Variants in ERBB4 observed in about 807,000 individuals in gnomAD.
The protein encoded by ERBB4 is erb-b2 receptor tyrosine kinase 4.
Under a neutral mutation model 158.0 loss-of-function variants are expected in ERBB4, and 42 were observed. The ratio of observed to expected loss-of-function variants is 0.27; its 90% confidence interval spans 0.21 to 0.34. The LOEUF (loss-of-function observed/expected upper bound fraction) is 0.34. Among genes scored for constraint, ERBB4 ranks in the 10% least tolerant of loss-of-function variants. The probability of loss-of-function intolerance (pLI) is 1.00; values close to 1 mark genes in which losing one functional copy is unlikely to be tolerated. For synonymous variants in ERBB4, 583 were observed against 558.7 expected (o/e 1.04, Z -0.61); for missense variants, 1,333 against 1,624.1 (o/e 0.82, Z 3.08).
chr2:211,657,020 G>C (rs2105898033), intron 16 of ERBB4, among the ~76,000 whole-genome samples: 1 of 151,996 alleles, frequency 6.6e-6, no homozygotes, highest in South Asian at 2.1e-4. Flanking sequence ...TTGCCTTTAT[G>C]TTAATTCTTA....
chr2:212,125,045 T>C (rs931394730), intron 1 of ERBB4, 142 bp from the exon 2 acceptor site: 21 of 934,528 alleles, frequency 2.2e-5, no homozygotes, highest in Admixed American at 6.1e-5. Context: ...TTAAGAGGCA[T>C]AGACCCACGC....
chr2:211,976,473 A>G (rs947971168), intron 2 of ERBB4, among the ~76,000 whole-genome samples: 7 of 152,178 alleles, frequency 4.6e-5, no homozygotes, highest in Non-Finnish European at 7.4e-5. Context: ...GTTGCATGAT[A>G]TCATAGAGTT....
chr2:212,040,891 C>A lies in ERBB4; in HGVS notation c.234+83861G>T, dbSNP rs186088931. Among the ~76,000 whole-genome samples the A allele has an allele frequency of 7.2e-5, 11 of 152,120 alleles. 1 individual carries two copies. Among genetic ancestry groups the A allele is most frequent in the Admixed American group, 2.6e-4 (4 of 15,258 alleles). On this transcript the variant is annotated intron_variant, in intron 2 of 27. Coordinates refer to ENST00000342788, the MANE Select transcript of ERBB4 (RefSeq NM_005235.3). ...TTTCTTCTCTTCTGCCTATCTAGAC[C>A]CTATTTACCTTTCACTTATCAGTTA...
At chr2:211,964,641 T>C (rs920543700) in intron 2 of ERBB4, among the ~76,000 whole-genome samples, 2 of 152,140 alleles carry the variant, frequency 1.3e-5, no homozygotes, top group African/African-American at 4.8e-5. Context: ...TAATCTCTAC[T>C]AGCTGACACA....
intron 1 of ERBB4, among the ~76,000 whole-genome samples, chr2:212,276,866 C>G (rs1333308932): frequency 6.6e-6 from 1 of 151,718 alleles, no homozygotes; most frequent in Non-Finnish European, 1.5e-5. Flanking sequence ...TTTGTAAATG[C>G]AAAGGGCCAA....
At chr2:212,328,483 T>A (rs2087969373) in intron 1 of ERBB4, among the ~76,000 whole-genome samples, 1 of 152,020 alleles carries the variant, frequency 6.6e-6, no homozygotes, top group African/African-American at 2.4e-5. Flanking sequence ...AATAACAAGG[T>A]CACACTACAG....
rs117837858 is a variant in ERBB4 at position 212,340,746 on chromosome 2, C to T, written c.82+197703G>A. Among the ~76,000 whole-genome samples, 941 of 152,298 alleles carry T rather than the reference C, an allele frequency of 6.2e-3. 31 individuals are homozygous for T. In the East Asian group the frequency reaches 0.1, roughly 16 times the overall value. On this transcript the variant is annotated intron_variant, in intron 1 of 27. Transcript: ENST00000342788. ...TGCTCACCCACTGCTCACCTACCTG[C>T]GGTGCAGCCTGGTTCCTAACAGACC...
At chr2:211,855,293 T>C (rs1304429330) in intron 3 of ERBB4, among the ~76,000 whole-genome samples, 2 of 152,184 alleles carry the variant, frequency 1.3e-5, no homozygotes, top group Non-Finnish European at 2.9e-5. Context: ...TAAATGACTT[T>C]TCTTGTCACT....
chr2:212,537,748 CT>C (rs10639453), intron 1 of ERBB4, among the ~76,000 whole-genome samples: 283 of 143,456 alleles, frequency 2.0e-3, no homozygotes, highest in East Asian at 4.1e-3. Context: ...TGTGCCAAGC[CT>C]TTTTTTTTTT....
chr2:212,457,492 G>A (rs963226977), intron 1 of ERBB4, among the ~76,000 whole-genome samples: 3 of 151,968 alleles, frequency 2.0e-5, no homozygotes, highest in Non-Finnish European at 1.5e-5. Flanking sequence ...TTTCTACGAA[G>A]GTGATAATAA....
At chr2:211,800,659 TAAAAA>T (rs35946148) in intron 3 of ERBB4, among the ~76,000 whole-genome samples, 8 of 128,592 alleles carry the variant, frequency 6.2e-5, no homozygotes, top group African/African-American at 5.5e-5. Context: ...AACTGTGCGT[TAAAAA>T]AAAAAAAAAA....
chr2:211,802,113 G>C (rs1389142153), intron 3 of ERBB4, among the ~76,000 whole-genome samples: 3 of 152,130 alleles, frequency 2.0e-5, no homozygotes, highest in Non-Finnish European at 4.4e-5. Context: ...CAAAAAATTA[G>C]CCGGGTGCGG....
intron 1 of ERBB4, among the ~76,000 whole-genome samples, chr2:212,298,550 T>C (rs1275824896): frequency 6.6e-6 from 1 of 151,684 alleles, no homozygotes; most frequent in Non-Finnish European, 1.5e-5. Flanking sequence ...AGAAGCTCAC[T>C]GTAGGCAAGA....
At chr2:211,591,918 T>G (rs1300521125) in intron 19 of ERBB4, among the ~76,000 whole-genome samples, 2 of 139,868 alleles carry the variant, frequency 1.4e-5, no homozygotes, top group Admixed American at 6.8e-5. Flanking sequence ...TGAGGTTGTG[T>G]TGTTGTACCT....
At chr2:212,392,673 T>A (rs988666350) in intron 1 of ERBB4, among the ~76,000 whole-genome samples, 1 of 152,088 alleles carries the variant, frequency 6.6e-6, no homozygotes, top group African/African-American at 2.4e-5. Flanking sequence ...CGATCATCCT[T>A]TAAGACCCAG....
intron 19 of ERBB4, among the ~76,000 whole-genome samples, chr2:211,604,501 G>A (rs773675158): frequency 1.3e-5 from 2 of 152,042 alleles, no homozygotes; most frequent in Non-Finnish European, 2.9e-5. Flanking sequence ...CTTTATGCTC[G>A]ACTGCTGATT....
rs1215048952 is a variant in ERBB4, at chr2:211,987,341, A to AAAAAAAAAAAAAAAAAAAG, written c.235-39726_235-39725insCTTTTTTTTTTTTTTTTTT. ...ATCTCAAGAAAAGACAAAAAAAAAA[A>AAAAAAAAAAAAAAAAAAAG]AAAGAAAGAAATCTATCACCCATGA... On this transcript the variant is annotated intron_variant, in intron 2 of 27. Coordinates refer to ENST00000342788, the MANE Select transcript of ERBB4 (RefSeq NM_005235.3). Among the ~76,000 whole-genome samples the AAAAAAAAAAAAAAAAAAAG allele has an allele frequency of 1.7e-3, 213 of 124,428 alleles. 2 individuals are homozygous for AAAAAAAAAAAAAAAAAAAG. Among genetic ancestry groups the AAAAAAAAAAAAAAAAAAAG allele is most frequent in the Non-Finnish European group, 2.6e-3 (161 of 60,918 alleles). 81.6% of individuals were successfully genotyped at this position (124,428 alleles called of 152,430 possible).
At chr2:212,186,676 G>A (rs568051694) in intron 1 of ERBB4, among the ~76,000 whole-genome samples, 76 of 152,134 alleles carry the variant, frequency 5.0e-4, no homozygotes, top group African/African-American at 1.7e-3. Context: ...AAACTAAAGA[G>A]TCAAAGAATG....
At chr2:211,454,981 C>T (rs540067765) in intron 20 of ERBB4, among the ~76,000 whole-genome samples, 44 of 152,280 alleles carry the variant, frequency 2.9e-4, no homozygotes, top group Middle Eastern at 3.4e-3. Flanking sequence ...CCAAATGAAA[C>T]CCTTTAAAAA....
Sources: gnomAD v4.1 joint callset for allele counts (sites outside exome capture counted in the v4.1 genomes callset) on GRCh38, gnomAD v4.1.1 for gene constraint, MANE v1.5 for transcripts, NCBI Gene and HGNC (gene_info 2026-07-23, HGNC 2026-07-21) for gene names.